Variants in SCNN1B observed in about 807,000 individuals in gnomAD.
The protein encoded by SCNN1B is epithelial sodium channel subunit beta.
A neutral mutation model predicts 65.3 loss-of-function variants in SCNN1B; 46 were observed. The ratio of observed to expected loss-of-function variants is 0.70; its 90% CI spans 0.56 to 0.90. The LOEUF (loss-of-function observed/expected upper bound fraction) is 0.90. SCNN1B is among the 40% of genes least tolerant of loss of function. The pLI, the probability that SCNN1B is intolerant of heterozygous loss-of-function variation, is 0.00. For synonymous variants in SCNN1B, 349 were observed against 330.6 expected (o/e 1.06, Z -0.60); for missense variants, 751 against 830.5 (o/e 0.90, Z 1.18).
chr16:23,320,284 G>T (rs1961560069), intron 1 of SCNN1B, among the ~76,000 whole-genome samples: 1 of 152,188 alleles, frequency 6.6e-6, no homozygotes, highest in Admixed American at 6.5e-5. Context: ...TTAAAACCCA[G>T]AGGCCTCGGG....
rs371697590 is a variant in SCNN1B, at chr16:23,322,208, T to C, written c.-9+19771T>C. 6.7e-4 allele frequency among the ~76,000 whole-genome samples: 102 copies of C among 152,282 alleles called. 1 individual carries two copies. Among genetic ancestry groups the C allele is most frequent in the African/African-American group, 2.3e-3 (97 of 41,556 alleles). On this transcript the variant is annotated intron_variant, in intron 1 of 12. Transcript: ENST00000343070. ...TTCCCGTATTAAGCCCACATTTAAG[T>C]GCCTACAGTGCCAGCCATTGATCTA...
At position 23,348,723 on chromosome 16, in the gene SCNN1B, A is replaced by G; in HGVS notation, c.124A>G (p.Ile42Val). ...CAACACCCACGGCCCCAAGCGCATC[A>G]TCTGTGAGGGGCCCAAGAAGAAAGC... ...NTNTHGPKRI[I>V]CEGPKKKAMW... Residue 42 changes from isoleucine to valine, a missense_variant, in exon 2 of 13, where the codon ATC (isoleucine) becomes GTC (valine). Ile to Val is a conservative substitution (Grantham distance 29). Transcript: ENST00000343070. This position sits in a 1 kb window ranked among gnomAD's most constrained non-coding sequence, Gnocchi z 4.5. The G allele has an allele frequency of 6.2e-7, 1 of 1,614,180 alleles. No homozygotes were observed. Among genetic ancestry groups the G allele is most frequent in the East Asian group, 2.2e-5 (1 of 44,882 alleles).
intron 1 of SCNN1B, among the ~76,000 whole-genome samples, chr16:23,329,612 C>T (rs765303210): frequency 3.3e-5 from 5 of 152,178 alleles, no homozygotes; most frequent in Non-Finnish European, 7.3e-5. Flanking sequence ...ACAGAGATAC[C>T]ATGTAGCTTG....
chr16:23,325,147 C>A (rs559336371), intron 1 of SCNN1B, among the ~76,000 whole-genome samples: 1 of 152,328 alleles, frequency 6.6e-6, no homozygotes, highest in South Asian at 2.1e-4. Flanking sequence ...TTCACTCCAT[C>A]CCCAGCAGGA....
intron 1 of SCNN1B, among the ~76,000 whole-genome samples, chr16:23,309,186 C>T (rs1056119107): frequency 6.6e-6 from 1 of 152,042 alleles, no homozygotes; most frequent in South Asian, 2.1e-4. Context: ...GTTCCTAGAA[C>T]TATTATTCTT....
rs532698473 is a variant in SCNN1B, at chr16:23,293,068, C to G, written n.178+9264C>G. Among the ~76,000 whole-genome samples the G allele has an allele frequency of 4.3e-5, 6 of 139,032 alleles. No homozygotes were observed. In the South Asian group the frequency reaches 1.2e-3, roughly 27 times the overall value. 91.2% of individuals were successfully genotyped at this position (139,032 alleles called of 152,430 possible). A position where few individuals can be genotyped will look rare whatever the true frequency, so the allele number is the denominator to read the frequency against. ...AGGTGAAGTTTGCAGCGAGCCGAGACTGCGCCACTGTACTCCAGTCTGGGC... is the reference window on the plus strand; with the variant it reads ...AGGTGAAGTTTGCAGCGAGCCGAGAGTGCGCCACTGTACTCCAGTCTGGGC... On this transcript the variant is annotated intron_variant and non_coding_transcript_variant, in intron 2 of 3. Transcript: ENST00000569789.
intron 3 of SCNN1B, 143 bp from the exon 4 acceptor site, chr16:23,355,156 G>A: frequency 2.6e-6 from 2 of 771,168 alleles, no homozygotes; most frequent in Non-Finnish European, 4.6e-6. Context: ...GAGCATGAGT[G>A]TGAACGTTTC....
At chr16:23,343,581 G>GAGAAAGAAAGAAAGAAAGAAAGAA (rs200738425) in intron 1 of SCNN1B, among the ~76,000 whole-genome samples, 13 of 70,384 alleles carry the variant, frequency 1.8e-4, no homozygotes, top group East Asian at 3.9e-4. Flanking sequence ...GAAAGAAAAA[G>GAGAAAGAAAGAAAGAAAGAAAGAA]AGAAAGAAAG....
At chr16:23,371,552 G>C in intron 6 of SCNN1B, 90 bp downstream of exon 6, 1 of 1,357,452 alleles carries the variant, frequency 7.4e-7, no homozygotes, top group Non-Finnish European at 1.0e-6. Flanking sequence ...GGGAGGAGGG[G>C]ATCTGGGCCC....
At chr16:23,298,253 A>G (rs781153753), upstream of SCNN1B, among the ~76,000 whole-genome samples, 5 of 152,188 alleles carry the variant, frequency 3.3e-5, no homozygotes, top group African/African-American at 4.8e-5. Context: ...AATTTGGCCA[A>G]ATTAATGCAG....
chr16:23,354,615 C>G (rs1037951364), intron 3 of SCNN1B, among the ~76,000 whole-genome samples: 12 of 152,344 alleles, frequency 7.9e-5, no homozygotes, highest in African/African-American at 2.9e-4. Context: ...GGCAGCATTT[C>G]CTGTGTGTTG....
At chr16:23,342,002 A>T (rs960449074) in intron 1 of SCNN1B, among the ~76,000 whole-genome samples, 1 of 152,204 alleles carries the variant, frequency 6.6e-6, no homozygotes, top group South Asian at 2.1e-4. Context: ...AACCAAGAGA[A>T]ATGAAACCTA....
chr16:23,362,664 A>G (rs1052293164), intron 4 of SCNN1B, among the ~76,000 whole-genome samples: 31 of 152,176 alleles, frequency 2.0e-4, no homozygotes, highest in African/African-American at 6.5e-4. Context: ...GAGTATTATC[A>G]ACAAGCAAAT....
chr16:23,278,838 G>A (rs1960742597), intron 1 of SCNN1B, among the ~76,000 whole-genome samples: 1 of 152,074 alleles, frequency 6.6e-6, no homozygotes, highest in South Asian at 2.1e-4. Flanking sequence ...TACTTGGGAG[G>A]CTGAAGTGGG....
At chr16:23,312,187 C>T (rs1298336857) in intron 1 of SCNN1B, among the ~76,000 whole-genome samples, 2 of 152,102 alleles carry the variant, frequency 1.3e-5, no homozygotes, top group African/African-American at 4.8e-5. Flanking sequence ...CCAGGCTGGT[C>T]TCAAACTCCT....
chr16:23,340,019 T>A (rs943770234), intron 1 of SCNN1B, among the ~76,000 whole-genome samples: 1 of 152,066 alleles, frequency 6.6e-6, no homozygotes, highest in Non-Finnish European at 1.5e-5. Context: ...TAGCTCATTG[T>A]GGGTGGTTTT....
intron 4 of SCNN1B, among the ~76,000 whole-genome samples, chr16:23,366,603 G>A (rs957433129): frequency 5.9e-5 from 9 of 151,972 alleles, no homozygotes; most frequent in Non-Finnish European, 8.8e-5. Context: ...GTGTGGTGGC[G>A]GGTGCCTGTA....
chr16:23,367,964 GT>G lies in SCNN1B; in HGVS notation c.880+9del. 1 of 1,608,992 alleles carries G rather than the reference GT, an allele frequency of 6.2e-7. No individual in the cohort carries two copies. Among genetic ancestry groups the G allele is most frequent in the Non-Finnish European group, 8.5e-7 (1 of 1,175,326 alleles). ...CCAACCCTGGAACTGAATTCGGTGAGTTTTGGTTTATCGTGGGGCCAGAGCC... is the reference window on the plus strand; with the variant it reads ...CCAACCCTGGAACTGAATTCGGTGAGTTTGGTTTATCGTGGGGCCAGAGCC... On this transcript the variant is annotated splice_donor_region_variant and intron_variant, in intron 5 of 12. Coordinates refer to ENST00000343070, the MANE Select transcript of SCNN1B (RefSeq NM_000336.3).
chr16:23,280,832 G>A (rs1238458176), intron 1 of SCNN1B, among the ~76,000 whole-genome samples: 1 of 152,214 alleles, frequency 6.6e-6, no homozygotes, highest in African/African-American at 2.4e-5. Context: ...TGAATAAACG[G>A]ATGAATGACT....
Sources: allele counts gnomAD v4.1 joint callset (sites outside exome capture counted in the v4.1 genomes callset), GRCh38; gene constraint gnomAD v4.1.1; non-coding constraint Gnocchi (gnomAD v3.1); transcripts MANE v1.5; gene names NCBI Gene and HGNC (gene_info 2026-07-23, HGNC 2026-07-21).